The following RABGAP1L variants were observed in gnomAD, a reference collection of about 807,000 sequenced individuals.
RABGAP1L encodes RAB GTPase activating protein 1 like.
In RABGAP1L, 63 loss-of-function variants were observed where a neutral mutation model predicts 137.7. The ratio of observed to expected loss-of-function variants is 0.46; its 90% confidence interval spans 0.37 to 0.56. The LOEUF (loss-of-function observed/expected upper bound fraction) is 0.56. Ranked by LOEUF, RABGAP1L falls within the 20% of genes least tolerant of loss-of-function variation. RABGAP1L has a pLI of 0.00. For synonymous variants in RABGAP1L, 431 were observed against 433.7 expected (o/e 0.99, Z 0.08); for missense variants, 1,095 against 1,244.0 (o/e 0.88, Z 1.80).
chr1:174,415,248 A>G (rs1650414917), intron 13 of RABGAP1L, among the ~76,000 whole-genome samples: 1 of 152,112 alleles, frequency 6.6e-6, no homozygotes, highest in Non-Finnish European at 1.5e-5. Flanking sequence ...TTTTCCCTGT[A>G]TTAAATCTTT....
chr1:174,974,992 A>C (rs1307452232), intron 21 of RABGAP1L, among the ~76,000 whole-genome samples: 1 of 152,240 alleles, frequency 6.6e-6, no homozygotes, highest in Non-Finnish European at 1.5e-5. Context: ...TAGCTTCTTC[A>C]CATAATCACC....
chr1:174,571,762 T>C lies in RABGAP1L; in HGVS notation c.1711-65613T>C, dbSNP rs564452039. On this transcript the variant is annotated intron_variant, in intron 13 of 25. Transcript: ENST00000681986. ...AGAATCTCAAAAGGGCAATAAAATT[T>C]TGAAATAATGTGATTAACTCCAAAT... Among the ~76,000 whole-genome samples, 301 of 152,224 alleles carry C rather than the reference T, an allele frequency of 2.0e-3. 1 individual carries two copies. The highest frequency in any genetic ancestry group is 6.9e-3 in the African/African-American group (285 of 41,540).
intron 13 of RABGAP1L, among the ~76,000 whole-genome samples, chr1:174,617,981 C>T (rs924220917): frequency 9.8e-5 from 15 of 152,350 alleles, no homozygotes; most frequent in Non-Finnish European, 1.3e-4. Flanking sequence ...GCAAATGGCA[C>T]ACCTTTAGAT....
chr1:174,831,124 A>G (rs903772714), intron 19 of RABGAP1L, among the ~76,000 whole-genome samples: 3 of 148,166 alleles, frequency 2.0e-5, no homozygotes, highest in Non-Finnish European at 4.5e-5. Flanking sequence ...GTGCTGGTTC[A>G]TTGTTCTGTT....
At chr1:174,673,940 C>T (rs1677375086) in intron 14 of RABGAP1L, among the ~76,000 whole-genome samples, 1 of 151,966 alleles carries the variant, frequency 6.6e-6, no homozygotes, top group Non-Finnish European at 1.5e-5. Flanking sequence ...TATTTGTCAT[C>T]AATAAATCCC....
chr1:174,522,310 A>T (rs140402266), intron 13 of RABGAP1L, among the ~76,000 whole-genome samples: 422 of 152,250 alleles, frequency 2.8e-3, no homozygotes, highest in Non-Finnish European at 4.6e-3. Context: ...AGACACAGTG[A>T]CTCAAACCTG....
At chr1:174,597,904 GACTC>G (rs1557882392) in intron 13 of RABGAP1L, among the ~76,000 whole-genome samples, 2 of 151,984 alleles carry the variant, frequency 1.3e-5, no homozygotes, top group African/African-American at 4.8e-5. Flanking sequence ...TTTCTTCATT[GACTC>G]ACTGGTCATT....
chr1:174,852,586 G>T (rs1648556049), intron 19 of RABGAP1L, among the ~76,000 whole-genome samples: 1 of 152,118 alleles, frequency 6.6e-6, no homozygotes, highest in South Asian at 2.1e-4. Context: ...GGCTGAGGCG[G>T]GCTGATCACT....
At chr1:174,891,760 C>T (rs1378817503) in intron 19 of RABGAP1L, among the ~76,000 whole-genome samples, 1 of 152,174 alleles carries the variant, frequency 6.6e-6, no homozygotes, top group African/African-American at 2.4e-5. Flanking sequence ...CAGCCTCAGC[C>T]TCCCAAAGTG....
chr1:174,316,032 T>A (rs971189914), intron 11 of RABGAP1L, among the ~76,000 whole-genome samples: 3 of 152,206 alleles, frequency 2.0e-5, no homozygotes, highest in African/African-American at 7.2e-5. Flanking sequence ...AGGACTCTGA[T>A]CTGTTCCTTA....
At chr1:174,171,027 G>C (rs554824689) in intron 1 of RABGAP1L, among the ~76,000 whole-genome samples, 1 of 152,228 alleles carries the variant, frequency 6.6e-6, no homozygotes, top group East Asian at 1.9e-4. Context: ...TGGGTTCAAG[G>C]GATCTGTGAG....
chr1:174,621,495 G>T (rs1007988291), intron 13 of RABGAP1L, among the ~76,000 whole-genome samples: 1 of 152,056 alleles, frequency 6.6e-6, no homozygotes, highest in Non-Finnish European at 1.5e-5. Context: ...GGTACTGGTA[G>T]CAAAACAGAG....
intron 18 of RABGAP1L, among the ~76,000 whole-genome samples, chr1:174,785,667 G>A (rs934253583): frequency 5.3e-4 from 80 of 152,132 alleles, no homozygotes; most frequent in African/African-American, 1.9e-3. Context: ...TTTTAAGAAC[G>A]GGACCATTCG....
chr1:174,310,090 G>C (rs1294789116), intron 11 of RABGAP1L, among the ~76,000 whole-genome samples: 1 of 151,996 alleles, frequency 6.6e-6, no homozygotes, highest in Non-Finnish European at 1.5e-5. Flanking sequence ...TTCAATCTTG[G>C]TAGGTTGTAT....
intron 14 of RABGAP1L, among the ~76,000 whole-genome samples, chr1:174,652,664 C>T (rs1367300588): frequency 6.6e-6 from 1 of 152,228 alleles, no homozygotes; most frequent in African/African-American, 2.4e-5. Flanking sequence ...GTTCCTTCCT[C>T]TGGAGGCTTT....
rs143104327 is a variant in RABGAP1L at position 174,429,117 on chromosome 1, G to GTA, written c.1710+34973_1710+34974dup. On this transcript the variant is annotated intron_variant, in intron 13 of 25. Coordinates refer to ENST00000681986, the MANE Select transcript of RABGAP1L (RefSeq NM_001366446.1). ...ATTAAGATTTTATTGTGTGATGCTG[G>GTA]TAAGCATGGAGTAGAATAAAGCAGG... is the stretch of plus-strand genomic sequence containing the variant. Among the ~76,000 whole-genome samples the GTA allele has an allele frequency of 5.3e-3, 807 of 152,196 alleles. 9 individuals are homozygous for GTA. Among genetic ancestry groups the GTA allele is most frequent in the African/African-American group, 0.018 (766 of 41,506 alleles).
At chr1:174,259,461 A>G (rs1673397233) in intron 7 of RABGAP1L, among the ~76,000 whole-genome samples, 1 of 152,244 alleles carries the variant, frequency 6.6e-6, no homozygotes, top group Non-Finnish European at 1.5e-5. Context: ...AAGTACATCT[A>G]GTACTAGAAC....
intron 13 of RABGAP1L, among the ~76,000 whole-genome samples, chr1:174,534,277 A>G (rs1664697619): frequency 6.6e-6 from 1 of 151,966 alleles, no homozygotes; most frequent in South Asian, 2.1e-4. Context: ...TTACAGCTCA[A>G]TAGTTTAAAA....
chr1:174,191,757 G>A (rs1476249606), intron 1 of RABGAP1L, among the ~76,000 whole-genome samples: 1 of 152,144 alleles, frequency 6.6e-6, no homozygotes, highest in Non-Finnish European at 1.5e-5. Context: ...CCAGTGCGTA[G>A]AGAATAATGC....
Sources: gnomAD v4.1 joint callset for allele counts (sites outside exome capture counted in the v4.1 genomes callset) on GRCh38, gnomAD v4.1.1 for gene constraint, MANE v1.5 for transcripts, NCBI Gene and HGNC (gene_info 2026-07-23, HGNC 2026-07-21) for gene names.